LAMA1: variants seen among roughly 807,000 people sequenced by gnomAD.
LAMA1 encodes the protein laminin subunit alpha 1, also known as laminin subunit alpha-1.
LAMA1 carries 219 observed loss-of-function variants against 348.7 expected under a neutral mutation model. That is an observed-to-expected ratio of 0.63 (90% CI 0.56 to 0.70). The LOEUF (loss-of-function observed/expected upper bound fraction) is 0.70. LAMA1 is among the 30% of genes least tolerant of loss of function. The probability of loss-of-function intolerance (pLI) is 0.00; values close to 1 mark genes in which losing one functional copy is unlikely to be tolerated. For missense variants in LAMA1, 3,744 were observed against 3,888.0 expected (o/e 0.96, Z 0.99); for synonymous variants, 1,487 against 1,491.0 (o/e 1.00, Z 0.06).
chr18:6,972,225 G>A (rs1269224090), intron 47 of LAMA1: 2 of 480,204 alleles, frequency 4.2e-6, no homozygotes, highest in Non-Finnish European at 7.6e-6. Flanking sequence ...GGTTGATGGA[G>A]AGAATCGTGT....
chr18:6,986,554 C>T (rs368579659), intron 36 of LAMA1, among the ~76,000 whole-genome samples: 4 of 146,242 alleles, frequency 2.7e-5, no homozygotes, highest in Admixed American at 6.8e-5. Flanking sequence ...AACAAATTGT[C>T]TTTTTTTTTT....
At position 6,961,969 on chromosome 18, in the gene LAMA1, T is replaced by G; in HGVS notation, c.7428A>C (p.Gly2476=). The part of the protein sequence containing the change: ...STFDLLRNSY[G]VRKGCLLEPI... The stretch of plus-strand genomic sequence containing the variant: ...CCTCCAGTAAACAGCCTTTTCTCAC[T>G]CCATAGGAATTTCTGAGTAAGTCAA... Residue 2476 remains glycine (G), a synonymous_variant, in exon 52 of 63, where the codon GGA becomes GGC. Transcript: ENST00000389658. 3.1e-6 allele frequency: 5 copies of G among 1,614,140 alleles called. No homozygotes were observed. Among genetic ancestry groups the G allele is most frequent in the Non-Finnish European group, 4.2e-6 (5 of 1,179,976 alleles).
intron 44 of LAMA1, 148 bp downstream of exon 44, chr18:6,977,579 G>A (rs1292193098): frequency 2.5e-6 from 2 of 800,398 alleles, no homozygotes; most frequent in African/African-American, 3.5e-5. Flanking sequence ...TACCAAGACA[G>A]GGCTATGAGG....
Position 7,011,975 on chromosome 18 carries a change from T to C in LAMA1, c.3507+20A>G, listed in dbSNP as rs1243395884. ...GGGAGTGGGGTTAGAAGCAGAACAC[T>C]TTCGCTGTGTGTGACTTACTGGGGT... On this transcript the variant is annotated intron_variant, in intron 24 of 62. Coordinates refer to ENST00000389658, the MANE Select transcript of LAMA1 (RefSeq NM_005559.4). 1 of 1,590,706 alleles carries C rather than the reference T, an allele frequency of 6.3e-7. No homozygotes were observed. The highest frequency in any genetic ancestry group is 1.8e-5 in the Admixed American group (1 of 56,350).
At position 6,942,164 on chromosome 18, in the gene LAMA1, C is replaced by T. The variant is rs949929528; in HGVS notation, c.9143G>A (p.Ser3048Asn). 1 of 1,614,090 alleles carries T rather than the reference C, an allele frequency of 6.2e-7. No homozygotes were observed. Among genetic ancestry groups the T allele is most frequent in the African/African-American group, 1.3e-5 (1 of 74,940 alleles). ...GCLRKLALIK[S>N]PQVQSFDFSR... ...GAAGTCAAAGGACTGCACCTGCGGG[C>T]TCTTAATCAGAGCTAGCTTCCTCAA... Residue 3048 changes from serine (S) to asparagine (N), a missense_variant, in exon 63 of 63, where the codon AGC becomes AAC. By Grantham distance (46) the Ser-to-Asn change is conservative. Transcript: ENST00000389658.
At chr18:7,000,463 G>A (rs73392449) in intron 30 of LAMA1, among the ~76,000 whole-genome samples, 2,637 of 152,318 alleles carry the variant, frequency 0.017, 77 homozygotes, top group African/African-American at 0.06. Context: ...AAGCCAGGGA[G>A]GCAAAGGCAA....
chr18:7,100,058 CAAAAAAAA>C (rs3038921), intron 1 of LAMA1, among the ~76,000 whole-genome samples: 38 of 79,668 alleles, frequency 4.8e-4, no homozygotes, highest in South Asian at 1.0e-3. Context: ...GACTTTGTCT[CAAAAAAAA>C]AAAAAAAAAA....
At chr18:7,060,770 A>G (rs1176327208) in intron 3 of LAMA1, among the ~76,000 whole-genome samples, 1 of 152,184 alleles carries the variant, frequency 6.6e-6, no homozygotes. Context: ...TCAATTAGAA[A>G]AGCGATTTCA....
chr18:7,036,040 G>A lies in LAMA1; in HGVS notation c.1786C>T (p.Pro596Ser). 6.2e-7 allele frequency: 1 copy of A among 1,614,186 alleles called. No homozygotes were observed. ...AGGTTACTGTCTACCGTCTCTACCG[G>A]AATATCGTAGGACACCGTGTATTTC... The part of the protein sequence containing the change: ...FLKYTVSYDI[P>S]VETVDSNLMS... Residue 596 changes from proline to serine, a missense_variant, in exon 13 of 63, where the codon CCG becomes TCG. Coordinates refer to ENST00000389658, the MANE Select transcript of LAMA1 (RefSeq NM_005559.4).
intron 44 of LAMA1, 64 bp downstream of exon 44, chr18:6,977,663 G>A (rs1211073100): frequency 6.3e-7 from 1 of 1,597,348 alleles, no homozygotes; most frequent in African/African-American, 1.3e-5. Context: ...ATGTCTGCAT[G>A]AATTCCCTGG....
chr18:7,012,497 A>ATTATTAT (rs1246700561), intron 23 of LAMA1, among the ~76,000 whole-genome samples: 5 of 143,586 alleles, frequency 3.5e-5, no homozygotes, highest in African/African-American at 1.3e-4. Context: ...TATTATTATT[A>ATTATTAT]TATTATTATT....
At chr18:7,079,836 C>T in intron 3 of LAMA1, 139 bp downstream of exon 3, 1 of 711,178 alleles carries the variant, frequency 1.4e-6, no homozygotes, top group Non-Finnish European at 2.5e-6. Flanking sequence ...CTTCTGTATA[C>T]CACTTGCCTT....
rs771215691 is a variant in LAMA1 at position 6,948,455 on chromosome 18, G to A, written c.8658C>T (p.Tyr2886=). ...PVSAFTVNRC[Y]AVAQEGTYFD... ...AGTATGTTCCTTCCTGGGCCACTGC[G>A]TAGCACCTGTTCACCGTGAAGGCAG... is the stretch of plus-strand genomic sequence containing the variant. The change falls in exon 60 of 63, where the codon TAC becomes TAT. Residue 2886 remains tyrosine, a synonymous_variant. Transcript: ENST00000389658. 1.2e-5 allele frequency: 19 copies of A among 1,614,058 alleles called. No homozygotes were observed. Among genetic ancestry groups the A allele is most frequent in the Middle Eastern group, 1.6e-4 (1 of 6,084 alleles).
intron 3 of LAMA1, among the ~76,000 whole-genome samples, chr18:7,074,967 CAAAAAAAAAAAAAAAA>C (rs773818069): frequency 0.4 from 20,245 of 50,846 alleles, 2,115 homozygotes; most frequent in Admixed American, 0.49. Flanking sequence ...TACATAGAGG[CAAAAAAAAAAAAAAAA>C]AAAAAAAAAA....
chr18:6,988,051 T>G (rs2057743015), intron 36 of LAMA1, among the ~76,000 whole-genome samples: 1 of 151,642 alleles, frequency 6.6e-6, no homozygotes, highest in Non-Finnish European at 1.5e-5. Flanking sequence ...GAGGTGGAGG[T>G]TGCAGTGAGC....
chr18:7,092,765 A>G (rs919171986), intron 1 of LAMA1, among the ~76,000 whole-genome samples: 5 of 152,042 alleles, frequency 3.3e-5, no homozygotes, highest in African/African-American at 1.2e-4. Flanking sequence ...TCTTTCTTAA[A>G]CCCTGTTTCT....
chr18:6,986,017 C>T (rs2057733427), intron 37 of LAMA1, 120 bp downstream of exon 37: 1 of 1,117,728 alleles, frequency 8.9e-7, no homozygotes, highest in Non-Finnish European at 1.3e-6. Context: ...CTCGGCCTCC[C>T]AAAGTGCTGG....
intron 50 of LAMA1, 81 bp downstream of exon 50, chr18:6,965,207 G>GA (rs11338285): frequency 7.7e-6 from 12 of 1,565,454 alleles, no homozygotes; most frequent in East Asian, 2.2e-5. Context: ...AACTACTGTG[G>GA]AAAAAAAGAA....
chr18:7,001,048 G>A (rs556252045), intron 30 of LAMA1, among the ~76,000 whole-genome samples: 4 of 152,274 alleles, frequency 2.6e-5, no homozygotes, highest in South Asian at 4.1e-4. Context: ...GCACAGAAAC[G>A]TGCAAAGTAG....
Sources: gnomAD v4.1 joint callset for allele counts (sites outside exome capture counted in the v4.1 genomes callset) on GRCh38, gnomAD v4.1.1 for gene constraint, MANE v1.5 for transcripts, NCBI Gene and HGNC (gene_info 2026-07-23, HGNC 2026-07-21) for gene names.